The following SREBF2 variants were observed in gnomAD, a reference collection of about 807,000 sequenced individuals.
SREBF2 encodes sterol regulatory element binding transcription factor 2, also known as sterol regulatory element-binding protein 2.
Under a neutral mutation model 113.1 loss-of-function variants are expected in SREBF2, and 55 were observed. The ratio of observed to expected loss-of-function variants is 0.49; its 90% confidence interval spans 0.39 to 0.61. SREBF2 has a LOEUF of 0.61. Ranked by LOEUF, SREBF2 falls within the 20% of genes least tolerant of loss-of-function variation. SREBF2 has a pLI of 0.00. For synonymous variants in SREBF2, 593 were observed against 605.7 expected (o/e 0.98, Z 0.31); for missense variants, 1,349 against 1,487.4 (o/e 0.91, Z 1.53).
At chr22:41,885,081 A>G (rs1034288193) in intron 11 of SREBF2, 70 bp downstream of exon 11, 2 of 1,576,700 alleles carry the variant, frequency 1.3e-6, no homozygotes, top group Admixed American at 3.6e-5. Context: ...TAAGATGCAG[A>G]AGCAGTTATG....
intron 1 of SREBF2, among the ~76,000 whole-genome samples, chr22:41,856,501 A>G (rs535717217): frequency 6.6e-6 from 1 of 152,338 alleles, no homozygotes; most frequent in South Asian, 2.1e-4. Flanking sequence ...TCTGAGGTGG[A>G]AAAGAGTCCC....
At chr22:41,857,302 A>AT (rs1165900271) in intron 1 of SREBF2, among the ~76,000 whole-genome samples, 1 of 152,102 alleles carries the variant, frequency 6.6e-6, no homozygotes, top group Non-Finnish European at 1.5e-5. Context: ...TGTTCAAACT[A>AT]TGAGAGCTGG....
chr22:41,866,523 C>T (rs1233988055), intron 1 of SREBF2, among the ~76,000 whole-genome samples: 3 of 152,166 alleles, frequency 2.0e-5, no homozygotes, highest in Admixed American at 6.6e-5. Flanking sequence ...GCACTCCATC[C>T]AGCGTGGGCG....
intron 11 of SREBF2, chr22:41,885,665 A>C (rs1295084782): frequency 2.5e-5 from 4 of 160,960 alleles, no homozygotes; most frequent in South Asian, 1.7e-4. Flanking sequence ...GCTAGCTCAC[A>C]ACATGCTGAC....
intron 1 of SREBF2, among the ~76,000 whole-genome samples, chr22:41,864,243 TATATATATATATATATATACAC>T (rs1286272158): frequency 3.2e-5 from 3 of 92,630 alleles, no homozygotes; most frequent in African/African-American, 1.2e-4. Flanking sequence ...TATATATATA[TATATATATATATATATATACAC>T]ACACACACAC....
Position 41,868,862 on chromosome 22 carries a change from G to T in SREBF2, c.720+70G>T, listed in dbSNP as rs369833717. Reference sequence around the variant, plus strand: ...TAACTGGTCCTTGGTTGAAGATGTGGTCTACATACTAAGAAGGACCAACCA... The same window carrying T: ...TAACTGGTCCTTGGTTGAAGATGTGTTCTACATACTAAGAAGGACCAACCA... On this transcript the variant is annotated intron_variant, in intron 3 of 18. Coordinates refer to ENST00000361204, the MANE Select transcript of SREBF2 (RefSeq NM_004599.4). The T allele has an allele frequency of 1.8e-4, 274 of 1,542,392 alleles. 1 individual carries two copies. The African/African-American group carries it at 3.0e-3, about 17-fold the overall frequency.
At chr22:41,882,603 C>T (rs947580347) in intron 10 of SREBF2, among the ~76,000 whole-genome samples, 3 of 152,224 alleles carry the variant, frequency 2.0e-5, no homozygotes, top group Middle Eastern at 3.4e-3. Context: ...GTCAGGAGTT[C>T]GAGACCTGCC....
chr22:41,882,021 A>C (rs2077250172), intron 10 of SREBF2, among the ~76,000 whole-genome samples: 1 of 152,128 alleles, frequency 6.6e-6, no homozygotes, highest in African/African-American at 2.4e-5. Flanking sequence ...CCAGTGAGCC[A>C]AGATTGCACC....
intron 1 of SREBF2, among the ~76,000 whole-genome samples, chr22:41,840,795 CG>C (rs2148340311): frequency 6.6e-6 from 1 of 152,220 alleles, no homozygotes; most frequent in Non-Finnish European, 1.5e-5. Context: ...GTGACTGGGC[CG>C]ACAGTCACTG....
rs1166000260 is a variant in SREBF2 at position 41,906,232 on chromosome 22, T to C, written c.*572T>C. On this transcript the variant is annotated 3_prime_UTR_variant, in exon 19 of 19. Coordinates refer to ENST00000361204, the MANE Select transcript of SREBF2 (RefSeq NM_004599.4). The stretch of plus-strand genomic sequence containing the variant: ...CTGAGCCTGCTCATTGTTTTTCCCT[T>C]TATTACACAGGACAGCCAGGGGAGG... The C allele has an allele frequency of 3.0e-6, 1 of 334,596 alleles. No homozygotes were observed. The highest frequency in any genetic ancestry group is 1.1e-3 in the Middle Eastern group (1 of 922). 20.7% of individuals were successfully genotyped at this position (334,596 alleles called of 1,614,324 possible).
At position 41,898,662 on chromosome 22, in the gene SREBF2, C is replaced by G; in HGVS notation, c.2619C>G (p.Ile873Met). 1 of 1,614,118 alleles carries G rather than the reference C, an allele frequency of 6.2e-7. No homozygotes were observed. Among genetic ancestry groups the G allele is most frequent in the Non-Finnish European group, 8.5e-7 (1 of 1,180,026 alleles). ...GTTCTCCTCTAGGTCCAGACATCAT[C>G]TGTCGGTGGTGGACGTCTGCAATCA... ...VLKSALGPDI[I>M]CRWWTSAITV... Residue 873 changes from isoleucine to methionine, a missense_variant, in exon 15 of 19, where the codon ATC (isoleucine) becomes ATG (methionine). By Grantham distance (10) the Ile-to-Met change is conservative. Transcript: ENST00000361204.
intron 12 of SREBF2, among the ~76,000 whole-genome samples, chr22:41,893,518 GCT>G (rs2077384176): frequency 6.6e-6 from 1 of 152,246 alleles, no homozygotes; most frequent in Admixed American, 6.5e-5. Flanking sequence ...GTGCAGCTCT[GCT>G]CTCTCTAACA....
intron 17 of SREBF2, among the ~76,000 whole-genome samples, chr22:41,903,656 A>G (rs2077482875): frequency 6.6e-6 from 1 of 152,122 alleles, no homozygotes; most frequent in Admixed American, 6.5e-5. Flanking sequence ...GGCTCCAGCT[A>G]TTTCCTTTTT....
intron 2 of SREBF2, among the ~76,000 whole-genome samples, chr22:41,867,837 A>G (rs1276213204): frequency 2.6e-5 from 4 of 152,090 alleles, no homozygotes; most frequent in Non-Finnish European, 5.9e-5. Context: ...CAGCAAGCAT[A>G]GTAGACACAG....
chr22:41,868,399 A>C (rs1193714831), intron 2 of SREBF2, among the ~76,000 whole-genome samples: 1 of 152,106 alleles, frequency 6.6e-6, no homozygotes, highest in Non-Finnish European at 1.5e-5. Flanking sequence ...GAGTAATAAA[A>C]CAATTTGTAC....
rs185707836 is a variant in SREBF2, at chr22:41,906,774, G to A, written c.*1114G>A. The A allele has an allele frequency of 2.0e-5, 3 of 152,202 alleles. No homozygotes were observed. The highest frequency in any genetic ancestry group is 4.4e-5 in the Non-Finnish European group (3 of 68,042). 9.4% of individuals were successfully genotyped at this position (152,202 alleles called of 1,614,324 possible). A position where few individuals can be genotyped will look rare whatever the true frequency, so the allele number is the denominator to read the frequency against. ...GGGACCAACCCCTAATCCCTCCCCA[G>A]CGGCAAGCCCCTCTTTTCAGAGTGG... is the stretch of plus-strand genomic sequence containing the variant. On this transcript the variant is annotated 3_prime_UTR_variant, in exon 19 of 19. Transcript: ENST00000361204.
rs369136150 is a variant in SREBF2 at position 41,844,065 on chromosome 22, C to CACACACACACACACAT, written c.88+10707_88+10708insACACACACACACACAT. 7.1e-3 allele frequency among the ~76,000 whole-genome samples: 1,037 copies of CACACACACACACACAT among 145,882 alleles called. 9 individuals carry two copies. Among genetic ancestry groups the CACACACACACACACAT allele is most frequent in the Non-Finnish European group, 0.011 (757 of 66,566 alleles). ...ACACACACACACACACACACACACA[C>CACACACACACACACAT]GTATATGTATATATATTTTTTAAAT... On this transcript the variant is annotated intron_variant, in intron 1 of 18. Transcript: ENST00000361204.
intron 1 of SREBF2, among the ~76,000 whole-genome samples, chr22:41,842,432 G>A (rs1365242666): frequency 6.6e-6 from 1 of 152,144 alleles, no homozygotes; most frequent in East Asian, 1.9e-4. Context: ...GTATCTTATA[G>A]ATCATCCCAG....
In SREBF2 at chr22:41,904,888, G is replaced by A. The variant is rs1228792617; in HGVS notation, c.3119G>A (p.Arg1040His). Residue 1040 changes from arginine to histidine, a missense_variant, in exon 18 of 19, where the codon CGC becomes CAC. By Grantham distance (29) the Arg-to-His change is conservative (BLOSUM62 0). Around this residue, in one of 2 missense-constraint regions of SREBF2, gnomAD observed 650 missense variants for 644.1 expected, o/e 1.01. Coordinates refer to ENST00000361204, the MANE Select transcript of SREBF2 (RefSeq NM_004599.4). The part of the protein sequence containing the change: ...RKVFLHEATV[R>H]LMAGASPTRT... ...GTGTTCCTGCATGAAGCCACCGTGC[G>A]CCTGATGGCAGGAGCCAGCCCCACC... The A allele has an allele frequency of 3.1e-5, 50 of 1,602,522 alleles. No individual in the cohort carries two copies. The highest frequency in any genetic ancestry group is 3.8e-5 in the Non-Finnish European group (45 of 1,177,026).
Sources: gnomAD v4.1 joint callset for allele counts (sites outside exome capture counted in the v4.1 genomes callset) on GRCh38, gnomAD v4.1.1 for gene constraint, gnomAD v4.1.1 regional missense constraint, MANE v1.5 for transcripts, NCBI Gene and HGNC (gene_info 2026-07-23, HGNC 2026-07-21) for gene names.